FAM174B: variants seen among roughly 807,000 people sequenced by gnomAD.
The protein encoded by FAM174B is family with sequence similarity 174 member B, also known as membrane protein FAM174B.
In FAM174B, 12 loss-of-function variants were observed where a neutral mutation model predicts 10.9. The ratio of observed to expected loss-of-function variants is 1.10; its 90% CI spans 0.71 to 1.79. The LOEUF (loss-of-function observed/expected upper bound fraction) is 1.79, where lower values mean the gene tolerates loss of function less well. Among genes scored for constraint, FAM174B ranks in the 40% most tolerant of loss-of-function variants. The pLI, the probability that FAM174B is intolerant of heterozygous loss-of-function variation, is 0.00. For missense variants in FAM174B, 266 were observed against 233.3 expected (o/e 1.14, Z -0.91); for synonymous variants, 132 against 115.8 (o/e 1.14, Z -0.90).
At chr15:92,631,328 AATATATT>A (rs1255829933) in intron 1 of FAM174B, among the ~76,000 whole-genome samples, 1 of 1,920 alleles carries the variant, frequency 5.2e-4, no homozygotes, top group African/African-American at 9.2e-4. Flanking sequence ...TATTATATAT[AATATATT>A]ATATATTATA....
At chr15:92,646,416 TG>T (rs1472612011) in intron 1 of FAM174B, among the ~76,000 whole-genome samples, 1 of 152,200 alleles carries the variant, frequency 6.6e-6, no homozygotes, top group Non-Finnish European at 1.5e-5. Context: ...AACTGAGCCT[TG>T]GTTTTCTCAT....
intron 2 of FAM174B, chr15:92,627,386 G>A (rs1481568813): frequency 5.8e-6 from 1 of 171,382 alleles, no homozygotes; most frequent in Non-Finnish European, 1.4e-5. Context: ...ATTATTTGAA[G>A]AACTGAGACA....
chr15:92,630,010 A>G (rs1173189529), intron 2 of FAM174B, among the ~76,000 whole-genome samples: 1 of 152,128 alleles, frequency 6.6e-6, no homozygotes, highest in African/African-American at 2.4e-5. Flanking sequence ...CTCTCTTTAT[A>G]CATTTCCTAG....
intron 1 of FAM174B, among the ~76,000 whole-genome samples, 167 bp from the exon 2 acceptor site, chr15:92,630,512 C>T (rs2050785661): frequency 6.6e-6 from 1 of 151,880 alleles, no homozygotes; most frequent in Admixed American, 6.6e-5. Context: ...ACACTGCTGC[C>T]TCCAGCCTGG....
At chr15:92,649,525 A>C (rs796186623) in intron 1 of FAM174B, among the ~76,000 whole-genome samples, 1 of 152,228 alleles carries the variant, frequency 6.6e-6, no homozygotes, top group Non-Finnish European at 1.5e-5. Context: ...ATAATAGGAC[A>C]CTTGACTGCT....
At position 92,632,796 on chromosome 15, in the gene FAM174B, G is replaced by A. The variant is rs74550696; in HGVS notation, c.345-2451C>T. Reference sequence around the variant, plus strand: ...CTCAGCCTCTCAGAATACTGGGGATGACAGGCGTGGGACACCGTGCCAGAC... The same window carrying A: ...CTCAGCCTCTCAGAATACTGGGGATAACAGGCGTGGGACACCGTGCCAGAC... On this transcript the variant is annotated intron_variant, in intron 1 of 2. Transcript: ENST00000327355. Among the ~76,000 whole-genome samples the A allele has an allele frequency of 9.6e-3, 1,465 of 152,180 alleles. 14 individuals are homozygous for A. Among genetic ancestry groups the A allele is most frequent in the African/African-American group, 0.026 (1,083 of 41,504 alleles).
At chr15:92,626,848 C>T (rs1200346404) in intron 2 of FAM174B, among the ~76,000 whole-genome samples, 1 of 151,950 alleles carries the variant, frequency 6.6e-6, no homozygotes, top group African/African-American at 2.4e-5. Flanking sequence ...GTCAAGAGAT[C>T]GAGACCATCC....
At chr15:92,629,488 C>T (rs936767569) in intron 2 of FAM174B, among the ~76,000 whole-genome samples, 12 of 152,170 alleles carry the variant, frequency 7.9e-5, no homozygotes, top group African/African-American at 1.9e-4. Flanking sequence ...CTGACATAAG[C>T]GAGGCTGAAA....
At chr15:92,633,352 T>C (rs953874919) in intron 1 of FAM174B, among the ~76,000 whole-genome samples, 2 of 152,222 alleles carry the variant, frequency 1.3e-5, no homozygotes, top group African/African-American at 4.8e-5. Context: ...TGATATGATT[T>C]ACCAAAAACA....
chr15:92,648,443 T>C (rs2050942913), intron 1 of FAM174B, among the ~76,000 whole-genome samples: 1 of 152,240 alleles, frequency 6.6e-6, no homozygotes, highest in African/African-American at 2.4e-5. Flanking sequence ...TCAGCCGTGT[T>C]TGCTCCTAGG....
At position 92,619,367 on chromosome 15, in the gene FAM174B, C is replaced by T. The variant is rs750567500; in HGVS notation, c.*89G>A. On this transcript the variant is annotated 3_prime_UTR_variant, in exon 3 of 3. Transcript: ENST00000327355. The stretch of plus-strand genomic sequence containing the variant: ...TTCGTTTTGGTTTCAACACCTCCGA[C>T]GCAAGAGGGCTTCCAGGTCCAGTCC... 6.6e-6 allele frequency: 10 copies of T among 1,524,838 alleles called. No homozygotes were observed. The highest frequency in any genetic ancestry group is 4.1e-5 in the African/African-American group (3 of 73,008). 94.5% of individuals were successfully genotyped at this position (1,524,838 alleles called of 1,614,324 possible). A position where few individuals can be genotyped will look rare whatever the true frequency, so the allele number is the denominator to read the frequency against.
At chr15:92,646,607 A>C in intron 1 of FAM174B, among the ~76,000 whole-genome samples, 1 of 151,892 alleles carries the variant, frequency 6.6e-6, no homozygotes, top group East Asian at 1.9e-4. Flanking sequence ...ACCTGATTCT[A>C]CCCTCCTCCC....
chr15:92,621,947 C>A (rs533311050), intron 2 of FAM174B, among the ~76,000 whole-genome samples: 1 of 152,148 alleles, frequency 6.6e-6, no homozygotes, highest in Admixed American at 6.5e-5. Context: ...AGGGTGGGGG[C>A]ACAGGAACTG....
At chr15:92,623,550 C>T (rs2050733617) in intron 2 of FAM174B, among the ~76,000 whole-genome samples, 1 of 152,184 alleles carries the variant, frequency 6.6e-6, no homozygotes, top group Admixed American at 6.5e-5. Flanking sequence ...AGTGACATGT[C>T]CCAACTTGCT....
At chr15:92,653,498 G>T (rs2050980497) in intron 1 of FAM174B, among the ~76,000 whole-genome samples, 1 of 152,230 alleles carries the variant, frequency 6.6e-6, no homozygotes, top group Non-Finnish European at 1.5e-5. Flanking sequence ...GAACAATCAG[G>T]AAGTCCGTAG....
chr15:92,642,771 G>A (rs1886033936), intron 1 of FAM174B, among the ~76,000 whole-genome samples: 1 of 152,150 alleles, frequency 6.6e-6, no homozygotes, highest in Non-Finnish European at 1.5e-5. Flanking sequence ...AGCAGCCCCT[G>A]AGAACAGGCT....
intron 1 of FAM174B, chr15:92,634,459 C>T (rs1286915640): frequency 2.6e-5 from 4 of 152,208 alleles, no homozygotes; most frequent in Non-Finnish European, 5.9e-5. Context: ...CACTTTCCTT[C>T]TCTATAATCT....
intron 1 of FAM174B, among the ~76,000 whole-genome samples, chr15:92,641,513 C>G (rs982336564): frequency 6.6e-6 from 1 of 152,116 alleles, no homozygotes; most frequent in Non-Finnish European, 1.5e-5. Flanking sequence ...AATAACCACT[C>G]AGACACACAA....
intron 1 of FAM174B, among the ~76,000 whole-genome samples, chr15:92,632,882 C>A (rs921211984): frequency 6.7e-6 from 1 of 150,322 alleles, no homozygotes; most frequent in Admixed American, 6.7e-5. Context: ...AGGGAAAGCA[C>A]TGACAGAAGC....
Sources: allele counts gnomAD v4.1 joint callset (sites outside exome capture counted in the v4.1 genomes callset), GRCh38; gene constraint gnomAD v4.1.1; transcripts MANE v1.5; gene names NCBI Gene and HGNC (gene_info 2026-07-23, HGNC 2026-07-21).